EIF4E3: variants seen among roughly 807,000 people sequenced by gnomAD.
EIF4E3 encodes eukaryotic translation initiation factor 4E family member 3, also known as eukaryotic translation initiation factor 4E type 3.
A neutral mutation model predicts 31.7 loss-of-function variants in EIF4E3; 26 were observed. The observed-to-expected ratio is 0.82, with a 90% confidence interval of 0.60 to 1.14. The LOEUF (loss-of-function observed/expected upper bound fraction) is 1.14, where lower values mean the gene tolerates loss of function less well. Among genes scored for constraint, EIF4E3 ranks in the 50% most tolerant of loss-of-function variants. The pLI, the probability that EIF4E3 is intolerant of heterozygous loss-of-function variation, is 0.00. For missense variants in EIF4E3, 304 were observed against 270.9 expected (o/e 1.12, Z -0.86); for synonymous variants, 128 against 107.7 (o/e 1.19, Z -1.17).
At chr3:71,744,290 T>C (rs201749541) in intron 1 of EIF4E3, among the ~76,000 whole-genome samples, 1 of 151,208 alleles carries the variant, frequency 6.6e-6, no homozygotes, top group African/African-American at 2.4e-5. Context: ...ATATGGCAGG[T>C]TTATCAGCAA....
At chr3:71,672,004 C>A (rs1578321752), downstream of EIF4E3, among the ~76,000 whole-genome samples, 1 of 152,110 alleles carries the variant, frequency 6.6e-6, no homozygotes, top group African/African-American at 2.4e-5. Context: ...TGAAATCCTG[C>A]GCTCCCCGAT....
chr3:71,710,511 CACAA>C, intron 1 of EIF4E3, 27 bp from the exon 2 acceptor site: 1 of 1,551,230 alleles, frequency 6.4e-7, no homozygotes, highest in African/African-American at 1.4e-5. Context: ...AGGACAAAGA[CACAA>C]ACAAAACAAG....
intron 1 of EIF4E3, among the ~76,000 whole-genome samples, chr3:71,717,907 CAAGTT>C (rs2049489108): frequency 6.6e-6 from 1 of 152,162 alleles, no homozygotes; most frequent in African/African-American, 2.4e-5. Flanking sequence ...TTCATATTAA[CAAGTT>C]AAAGTGGGAA....
chr3:71,726,377 G>A (rs546432599), upstream of EIF4E3, among the ~76,000 whole-genome samples: 2 of 152,294 alleles, frequency 1.3e-5, no homozygotes, highest in East Asian at 3.9e-4. Flanking sequence ...GCCCAAAGTA[G>A]GAGGGGCCCT....
At chr3:71,672,510 G>T (rs2107983216), downstream of EIF4E3, among the ~76,000 whole-genome samples, 1 of 152,248 alleles carries the variant, frequency 6.6e-6, no homozygotes, top group Non-Finnish European at 1.5e-5. Context: ...ATGGCTCTCA[G>T]ATATCCTTTT....
intron 5 of EIF4E3, 149 bp downstream of exon 5, chr3:71,693,726 T>C (rs2049094545): frequency 2.9e-6 from 2 of 701,576 alleles, no homozygotes; most frequent in Non-Finnish European, 4.4e-6. Context: ...GAAAATCACA[T>C]GAAAAAAAAT....
At chr3:71,734,632 G>A (rs749760331) in intron 1 of EIF4E3, among the ~76,000 whole-genome samples, 18 of 151,990 alleles carry the variant, frequency 1.2e-4, no homozygotes, top group Admixed American at 8.5e-4. Context: ...TTGAAATTCA[G>A]CAGTAAGAGG....
intron 2 of EIF4E3, among the ~76,000 whole-genome samples, chr3:71,701,945 T>G (rs763697989): frequency 1.1e-4 from 16 of 152,228 alleles, no homozygotes; most frequent in Non-Finnish European, 1.9e-4. Flanking sequence ...GTACCTATCC[T>G]GTAAATGCTT....
chr3:71,724,720 T>C (rs2049604010), intron 1 of EIF4E3, among the ~76,000 whole-genome samples: 2 of 152,066 alleles, frequency 1.3e-5, no homozygotes, highest in African/African-American at 4.8e-5. Context: ...CGCCGTGCAA[T>C]AATCATTGCA....
chr3:71,749,972 G>A (rs1255171016), intron 1 of EIF4E3, among the ~76,000 whole-genome samples: 2 of 152,244 alleles, frequency 1.3e-5, no homozygotes, highest in South Asian at 4.1e-4. Context: ...GAAAGAAGTA[G>A]GCATATAAAT....
At position 71,745,227 on chromosome 3, in the gene EIF4E3, T is replaced by C. The variant is rs543983005; in HGVS notation, c.-291+8236A>G. 4.6e-5 allele frequency among the ~76,000 whole-genome samples: 7 copies of C among 152,312 alleles called. No homozygotes were observed. In the South Asian group the frequency reaches 6.2e-4, roughly 14 times the overall value. On this transcript the variant is annotated intron_variant, in intron 1 of 7. Coordinates refer to the EIF4E3 transcript ENST00000295612. ...CTACCTCATCTAAATAAAAACCCAA[T>C]GCAAAGCTTGGTGCTGGTGGCATAG...
In EIF4E3 at chr3:71,693,930, C is replaced by T. The variant is rs369981173; in HGVS notation, c.417G>A (p.Trp139Ter). ...KVPKDSTSTVWKELLLATIGE... is the reference protein window; with the variant it reads ...KVPKDSTSTV ...CGATGGTTGCTAACAGCAACTCTTT[C>T]CAAACTGTGGACTGATATGGGAAAA... The change falls in exon 5 of 7, where the codon TGG becomes TGA. Residue 139 changes from tryptophan to a stop codon, truncating the protein, a stop_gained. Transcript: ENST00000425534. LOFTEE classifies it high-confidence loss of function. The T allele has an allele frequency of 3.7e-5, 59 of 1,582,790 alleles. No homozygotes were observed. The highest frequency in any genetic ancestry group is 6.0e-6 in the Non-Finnish European group (7 of 1,164,166).
chr3:71,687,148 C>T lies in EIF4E3; in HGVS notation c.629-2420G>A, dbSNP rs537909197. Among the ~76,000 whole-genome samples the T allele has an allele frequency of 1.1e-4, 16 of 152,244 alleles. No homozygotes were observed. The East Asian group carries it at 3.1e-3, about 29-fold the overall frequency. On this transcript the variant is annotated intron_variant, in intron 6 of 6. Transcript: ENST00000425534. ...CCCAAGTAGCTGGGATTATAGGCAC[C>T]TGCCACCACGCCTGGCTAGCTTTTT...
intron 1 of EIF4E3, 39 bp from the exon 2 acceptor site, chr3:71,710,523 A>T: frequency 6.5e-7 from 1 of 1,547,456 alleles, no homozygotes; most frequent in Non-Finnish European, 8.7e-7. Flanking sequence ...CAAACAAAAC[A>T]AGCAGTCAGT....
chr3:71,671,738 C>T (rs370321000), downstream of EIF4E3, among the ~76,000 whole-genome samples: 7 of 151,978 alleles, frequency 4.6e-5, no homozygotes, highest in African/African-American at 1.7e-4. Flanking sequence ...GCATGCTGCC[C>T]ACATATTAAA....
At chr3:71,700,507 G>A (rs1174060181) in intron 2 of EIF4E3, among the ~76,000 whole-genome samples, 3 of 151,808 alleles carry the variant, frequency 2.0e-5, no homozygotes, top group Admixed American at 6.6e-5. Flanking sequence ...CCAGCTACTC[G>A]GGAGGCTGAG....
At chr3:71,660,045 A>T in the EIF4E3 span, among the ~76,000 whole-genome samples, 2 of 152,214 alleles carry the variant, frequency 1.3e-5, no homozygotes, top group Non-Finnish European at 2.9e-5. Context: ...CAGAGTCTGT[A>T]TTTTAATCAA....
chr3:71,665,966 T>C, the EIF4E3 span, among the ~76,000 whole-genome samples: 1 of 152,116 alleles, frequency 6.6e-6, no homozygotes, highest in South Asian at 2.1e-4. Context: ...AGAGGGAAAT[T>C]TATAGCACTA....
At chr3:71,695,176 T>C (rs1178908847) in intron 4 of EIF4E3, among the ~76,000 whole-genome samples, 1 of 152,200 alleles carries the variant, frequency 6.6e-6, no homozygotes, top group Admixed American at 6.5e-5. Flanking sequence ...AAGCTGTTAC[T>C]GATGAAGTTG....
Sources: allele counts gnomAD v4.1 joint callset (sites outside exome capture counted in the v4.1 genomes callset), GRCh38; gene constraint gnomAD v4.1.1; transcripts MANE v1.5; gene names NCBI Gene and HGNC (gene_info 2026-07-23, HGNC 2026-07-21).